NEK1: variants seen among roughly 807,000 people sequenced by gnomAD.
NEK1 encodes the protein NIMA related kinase 1.
A neutral mutation model predicts 182.1 loss-of-function variants in NEK1; 137 were observed. The observed-to-expected ratio is 0.75, with a 90% confidence interval of 0.65 to 0.87. NEK1 has a LOEUF of 0.87. Among genes scored for constraint, NEK1 ranks in the 40% least tolerant of loss-of-function variants. NEK1 has a pLI of 0.00. For synonymous variants in NEK1, 513 were observed against 492.2 expected, an observed-to-expected ratio of 1.04 and a Z score of -0.56; for missense variants, 1,391 against 1,494.4, an observed-to-expected ratio of 0.93 and a Z score of 1.14.
chr4:169,475,516 TAAA>T (rs1411201708), intron 26 of NEK1, among the ~76,000 whole-genome samples: 1 of 151,816 alleles, frequency 6.6e-6, no homozygotes, highest in Admixed American at 6.6e-5. Context: ...ATTACAAAAA[TAAA>T]AAAATACCTA....
Position 169,602,620 on chromosome 4 carries a change from T to C in NEK1, c.11A>G (p.Tyr4Cys), listed in dbSNP as rs764759443. Reference protein sequence around the residue: MEKYVRLQKIGEGS... With the variant: MEKCVRLQKIGEGS... ...TTCTCCAATCTTCTGTAGTCTAACA[T>C]ACTTCTCCATGATTCTTTTTCTAAG... The change falls in exon 3 of 36, where the codon TAT becomes TGT. Residue 4 changes from tyrosine to cysteine, a missense_variant. By Grantham distance (194) the Tyr-to-Cys change is radical. Coordinates refer to ENST00000507142, the MANE Select transcript of NEK1 (RefSeq NM_001199397.3). 3.2e-6 allele frequency: 5 copies of C among 1,580,070 alleles called. No homozygotes were observed. In the Admixed American group the frequency reaches 5.0e-5, roughly 16 times the overall value.
intron 31 of NEK1, among the ~76,000 whole-genome samples, chr4:169,416,622 G>A (rs1429895577): frequency 6.6e-6 from 1 of 152,202 alleles, no homozygotes; most frequent in African/African-American, 2.4e-5. Flanking sequence ...AAGCACATGT[G>A]GCTGGGCATG....
intron 6 of NEK1, 87 bp downstream of exon 6, chr4:169,590,638 TA>T: frequency 1.3e-6 from 1 of 785,510 alleles, no homozygotes; most frequent in East Asian, 2.7e-5. Flanking sequence ...TGATGCACAC[TA>T]AATCAGGTTC....
intron 23 of NEK1, among the ~76,000 whole-genome samples, chr4:169,500,440 G>T (rs757470598): frequency 1.2e-4 from 19 of 152,180 alleles, no homozygotes; most frequent in Non-Finnish European, 2.4e-4. Flanking sequence ...CCAGTGAGAC[G>T]AACCCAGTAC....
chr4:169,562,217 C>T, intron 12 of NEK1, 21 bp from the exon 13 acceptor site: 1 of 1,479,986 alleles, frequency 6.8e-7, no homozygotes, highest in Non-Finnish European at 9.1e-7. Flanking sequence ...AGTAAAACTA[C>T]AAATTAAATA....
Position 169,438,122 on chromosome 4 carries a change from A to T in NEK1, c.2725T>A (p.Ser909Thr), listed in dbSNP as rs768015432. ...TCCAGTTTCAATGACATCTGTGGAG[A>T]TGCCTCACTGAACTCGGGACTTTTT... ...ETKSPEFSEA[S>T]PQMSLKLEGN... The change falls in exon 28 of 36, where the codon TCT becomes ACT. Residue 909 changes from serine to threonine, a missense_variant. Ser to Thr is a moderately conservative substitution (Grantham distance 58). Transcript: ENST00000507142. The T allele has an allele frequency of 1.9e-5, 31 of 1,612,378 alleles. No homozygotes were observed. Among genetic ancestry groups the T allele is most frequent in the Non-Finnish European group, 2.2e-5 (26 of 1,179,296 alleles).
intron 27 of NEK1, among the ~76,000 whole-genome samples, chr4:169,461,881 A>T (rs1292779992): frequency 6.6e-6 from 1 of 152,100 alleles, no homozygotes; most frequent in Non-Finnish European, 1.5e-5. Flanking sequence ...CTAACATATA[A>T]TAGTGAACAC....
chr4:169,585,435 T>C lies in NEK1; in HGVS notation c.721A>G (p.Arg241Gly). ...LRSLVSQLFK[R>G]NPRDRPSVNS... The stretch of plus-strand genomic sequence containing the variant: ...ACTGATGGTCTATCCCTAGGATTTC[T>C]TTTAAATAACTGAGACACCAAACTG... Residue 241 changes from arginine (R) to glycine (G), a missense_variant, in exon 10 of 36, where the codon AGA (arginine) becomes GGA (glycine). Coordinates refer to ENST00000507142, the MANE Select transcript of NEK1 (RefSeq NM_001199397.3). The C allele has an allele frequency of 6.2e-7, 1 of 1,613,770 alleles. No homozygotes were observed. The highest frequency in any genetic ancestry group is 8.5e-7 in the Non-Finnish European group (1 of 1,179,728).
At chr4:169,597,618 A>T (rs1769741995) in intron 5 of NEK1, among the ~76,000 whole-genome samples, 1 of 152,124 alleles carries the variant, frequency 6.6e-6, no homozygotes, top group South Asian at 2.1e-4. Context: ...CTGGGGTGAC[A>T]GAGCGAGAGC....
intron 4 of NEK1, 46 bp downstream of exon 4, chr4:169,601,962 A>T: frequency 7.4e-7 from 1 of 1,348,856 alleles, no homozygotes; most frequent in Non-Finnish European, 1.1e-6. Flanking sequence ...AAAAAGATTT[A>T]TTAATGTCTT....
intron 6 of NEK1, 72 bp downstream of exon 6, chr4:169,590,654 A>AT: frequency 9.2e-7 from 1 of 1,090,460 alleles, no homozygotes; most frequent in African/African-American, 1.6e-5. Context: ...AGGTTCAAAA[A>AT]TTTTTGGCCC....
chr4:169,500,964 A>T (rs935125295), intron 23 of NEK1, among the ~76,000 whole-genome samples: 1 of 152,204 alleles, frequency 6.6e-6, no homozygotes, highest in Non-Finnish European at 1.5e-5. Flanking sequence ...AGAATGGCAA[A>T]TTGGATGAAA....
chr4:169,481,525 T>G (rs988923249), intron 23 of NEK1, among the ~76,000 whole-genome samples: 1 of 152,238 alleles, frequency 6.6e-6, no homozygotes, highest in Non-Finnish European at 1.5e-5. Context: ...AATCTCTTTG[T>G]ATAATACATC....
At chr4:169,576,058 C>T (rs1222519286) in intron 12 of NEK1, among the ~76,000 whole-genome samples, 2 of 151,778 alleles carry the variant, frequency 1.3e-5, no homozygotes, top group Admixed American at 6.6e-5. Context: ...TCCGCCTCCC[C>T]GGTTCAAGTG....
At chr4:169,398,248 T>C (rs1443608560) in intron 35 of NEK1, among the ~76,000 whole-genome samples, 1 of 152,066 alleles carries the variant, frequency 6.6e-6, no homozygotes. Context: ...ATACAACATG[T>C]TTTACAGTAA....
chr4:169,467,629 A>G (rs1358422459), intron 26 of NEK1, among the ~76,000 whole-genome samples: 2 of 152,188 alleles, frequency 1.3e-5, no homozygotes, highest in African/African-American at 4.8e-5. Flanking sequence ...GGTTCAACTT[A>G]AGATTTTTCA....
intron 19 of NEK1, among the ~76,000 whole-genome samples, chr4:169,533,788 T>A (rs901110208): frequency 3.3e-5 from 5 of 152,184 alleles, no homozygotes; most frequent in Admixed American, 3.3e-4. Flanking sequence ...AATATATCAG[T>A]CTAATAGGAG....
At chr4:169,543,724 A>G (rs1034872909) in intron 18 of NEK1, among the ~76,000 whole-genome samples, 1 of 152,148 alleles carries the variant, frequency 6.6e-6, no homozygotes, top group Non-Finnish European at 1.5e-5. Flanking sequence ...TTGGATTCCC[A>G]GGTATTTTAT....
chr4:169,504,388 C>A (rs947632881), intron 23 of NEK1, among the ~76,000 whole-genome samples: 7 of 152,136 alleles, frequency 4.6e-5, no homozygotes, highest in South Asian at 4.1e-4. Flanking sequence ...TAGGTATATA[C>A]CCAAAAGAAA....
Sources: allele counts gnomAD v4.1 joint callset (sites outside exome capture counted in the v4.1 genomes callset), GRCh38; gene constraint gnomAD v4.1.1; transcripts MANE v1.5; gene names NCBI Gene and HGNC (gene_info 2026-07-23, HGNC 2026-07-21).